The following FETUB variants were observed in gnomAD, a reference collection of about 807,000 sequenced individuals.
FETUB encodes the protein fetuin B, also known as fetuin-B.
In FETUB, 28 loss-of-function variants were observed where a neutral mutation model predicts 30.9. The observed-to-expected ratio is 0.90, with a 90% CI of 0.67 to 1.24. The LOEUF (loss-of-function observed/expected upper bound fraction) is 1.24, where lower values mean the gene tolerates loss of function less well. Among genes scored for constraint, FETUB ranks in the 50% most tolerant of loss-of-function variants. FETUB has a pLI of 0.00. For synonymous variants in FETUB, 186 were observed against 175.9 expected (o/e 1.06, Z -0.45); for missense variants, 469 against 455.3 (o/e 1.03, Z -0.27).
upstream of FETUB, among the ~76,000 whole-genome samples, chr3:186,637,110 G>A (rs116264020): frequency 3.5e-3 from 535 of 152,298 alleles, 3 homozygotes; most frequent in African/African-American, 0.012. Flanking sequence ...GCACCTACAG[G>A]CCTCGGTTGG....
chr3:186,648,580 A>G (rs1717739835), intron 5 of FETUB, among the ~76,000 whole-genome samples: 1 of 152,230 alleles, frequency 6.6e-6, no homozygotes, highest in South Asian at 2.1e-4. Flanking sequence ...CTGTACATCA[A>G]CGTTGAAAGT....
At chr3:186,641,944 G>C (rs1000755221) in intron 2 of FETUB, 1 of 152,696 alleles carries the variant, frequency 6.5e-6, no homozygotes, top group Admixed American at 6.5e-5. Flanking sequence ...CACAAAAACT[G>C]TATACTCACT....
At chr3:186,647,514 T>A (rs1399535406) in intron 5 of FETUB, among the ~76,000 whole-genome samples, 1 of 152,210 alleles carries the variant, frequency 6.6e-6, no homozygotes, top group Non-Finnish European at 1.5e-5. Context: ...ATGATCTTTC[T>A]TTTGGTTATA....
chr3:186,645,007 C>A, intron 4 of FETUB, 87 bp downstream of exon 4: 2 of 1,125,796 alleles, frequency 1.8e-6, no homozygotes, highest in South Asian at 3.3e-5. Context: ...AATGTCAAGG[C>A]ACTCATTTTG....
chr3:186,639,330 C>A (rs918697347), upstream of FETUB, among the ~76,000 whole-genome samples: 3 of 152,174 alleles, frequency 2.0e-5, no homozygotes, highest in Non-Finnish European at 4.4e-5. Context: ...ACACAATAGC[C>A]ACCACTGTGT....
rs540816433 is a variant in FETUB, at chr3:186,644,891, C to G, written c.565C>G (p.Leu189Val). The change falls in exon 4 of 7, where the codon CTC (leucine) becomes GTC (valine). Residue 189 changes from leucine to valine, a missense_variant. By Grantham distance (32) the Leu-to-Val change is conservative. Coordinates refer to ENST00000265029, the MANE Select transcript of FETUB (RefSeq NM_014375.3). ...TGAGAACACATCCAAGCAGTATTCT[C>G]TCTTCAAAGTCACCAGGGCTTCTAG... ...NNENTSKQYS[L>V]FKVTRASSQW... The G allele has an allele frequency of 2.5e-6, 4 of 1,613,504 alleles. No homozygotes were observed. Among genetic ancestry groups the G allele is most frequent in the Non-Finnish European group, 3.4e-6 (4 of 1,179,844 alleles).
upstream of FETUB, among the ~76,000 whole-genome samples, chr3:186,639,537 T>A (rs1029837549): frequency 1.2e-4 from 18 of 152,140 alleles, no homozygotes; most frequent in African/African-American, 4.3e-4. Flanking sequence ...TTTTGTCTCT[T>A]TTCTCTCATG....
intron 5 of FETUB, among the ~76,000 whole-genome samples, chr3:186,647,844 A>G (rs1340392520): frequency 6.6e-6 from 1 of 152,108 alleles, no homozygotes; most frequent in Non-Finnish European, 1.5e-5. Context: ...AATTTTGATG[A>G]AGTTCTATTT....
chr3:186,640,244 G>A, upstream of FETUB: 3 of 582,842 alleles, frequency 5.1e-6, no homozygotes, highest in East Asian at 8.6e-5. Context: ...GTATGTACAG[G>A]TGGATATGAG....
rs773429917 is a variant in FETUB at position 186,644,802 on chromosome 3, C to T, written c.476C>T (p.Pro159Leu). 7 of 1,613,746 alleles carry T rather than the reference C, an allele frequency of 4.3e-6. No homozygotes were observed. In the South Asian group the frequency reaches 7.7e-5, roughly 18 times the overall value. Residue 159 changes from proline to leucine, a missense_variant, in exon 4 of 7, where the codon CCC (proline) becomes CTC (leucine). By Grantham distance (98) the Pro-to-Leu change is moderately conservative. Transcript: ENST00000265029. Reference sequence around the variant, plus strand: ...TGCCCTGACTGCCCAAGCTCCATACCCACTGACTCTTCCAATCACCAAGTG... The same window carrying T: ...TGCCCTGACTGCCCAAGCTCCATACTCACTGACTCTTCCAATCACCAAGTG... ...MTCPDCPSSI[P>L]TDSSNHQVLE...
intron 5 of FETUB, among the ~76,000 whole-genome samples, chr3:186,649,125 G>T (rs1456297575): frequency 6.6e-6 from 1 of 152,154 alleles, no homozygotes. Flanking sequence ...GATCTCCTTG[G>T]TGCAAGTACC....
chr3:186,649,359 T>G (rs1170281532), intron 5 of FETUB, among the ~76,000 whole-genome samples: 1 of 152,220 alleles, frequency 6.6e-6, no homozygotes, highest in Non-Finnish European at 1.5e-5. Flanking sequence ...GATTTAGGGA[T>G]ACAAGTGCAG....
chr3:186,640,425 A>G lies in FETUB; in HGVS notation c.-36A>G. ...CAAGCCAGCCAGTCCCTGCAGCTCC[A>G]CAAACTGACCCATCCTGGGCCTTGT... is the stretch of plus-strand genomic sequence containing the variant. On this transcript the variant is annotated 5_prime_UTR_variant, in exon 1 of 7. Coordinates refer to ENST00000265029, the MANE Select transcript of FETUB (RefSeq NM_014375.3). 1 of 1,563,522 alleles carries G rather than the reference A, an allele frequency of 6.4e-7. No individual in the cohort carries two copies. The highest frequency in any genetic ancestry group is 1.4e-5 in the African/African-American group (1 of 73,930).
chr3:186,637,740 A>G (rs975468530), upstream of FETUB, among the ~76,000 whole-genome samples: 1 of 152,280 alleles, frequency 6.6e-6, no homozygotes, highest in Non-Finnish European at 1.5e-5. Context: ...CACAGGGTAC[A>G]GTCACAGCAC....
rs969375033 is a variant in FETUB, at chr3:186,652,437, G to T, written c.955G>T (p.Gly319Cys). 3 of 1,613,748 alleles carry T rather than the reference G, an allele frequency of 1.9e-6. No individual in the cohort carries two copies. In the African/African-American group the frequency reaches 4.0e-5, roughly 22 times the overall value. Residue 319 changes from glycine to cysteine, a missense_variant, in exon 7 of 7, where the codon GGC becomes TGC. Transcript: ENST00000265029. ...DLDDKNSQEK[G>C]PQEAFPVHLD... The stretch of plus-strand genomic sequence containing the variant: ...GGATGATAAAAATTCCCAGGAAAAG[G>T]GCCCTCAGGAGGCCTTTCCTGTGCA...
intron 3 of FETUB, among the ~76,000 whole-genome samples, chr3:186,644,339 G>A (rs1365487750): frequency 6.6e-6 from 1 of 152,082 alleles, no homozygotes; most frequent in Admixed American, 6.5e-5. Context: ...CATTTACTAA[G>A]CACTGCCTAT....
chr3:186,643,031 T>A (rs1717197170), intron 3 of FETUB, among the ~76,000 whole-genome samples: 1 of 152,144 alleles, frequency 6.6e-6, no homozygotes, highest in Admixed American at 6.5e-5. Flanking sequence ...CACCTATTCT[T>A]TAAGGACCAA....
In FETUB at chr3:186,644,432, CTACTT is replaced by C. The variant is rs1231236543; in HGVS notation, c.425-315_425-311del. ...TGAAATCCCAATCTCTGAAGACAGT[CTACTT>C]TACAGGGTCAATAATGAGAAAAGAT... On this transcript the variant is annotated intron_variant, in intron 3 of 6. Transcript: ENST00000265029. Among the ~76,000 whole-genome samples, 8 of 152,160 alleles carry C rather than the reference CTACTT, an allele frequency of 5.3e-5. No homozygotes were observed. The South Asian group carries it at 1.2e-3, about 24-fold the overall frequency.
chr3:186,650,067 G>A (rs1462301194), intron 5 of FETUB, among the ~76,000 whole-genome samples: 1 of 148,176 alleles, frequency 6.7e-6, no homozygotes, highest in Non-Finnish European at 1.5e-5. Flanking sequence ...ATCCATTGAT[G>A]GACACAACAT....
Sources: allele counts gnomAD v4.1 joint callset (sites outside exome capture counted in the v4.1 genomes callset), GRCh38; gene constraint gnomAD v4.1.1; transcripts MANE v1.5; gene names NCBI Gene and HGNC (gene_info 2026-07-23, HGNC 2026-07-21).